Variants in OPHN1 observed in about 807,000 individuals in gnomAD.
OPHN1 encodes the protein oligophrenin 1, also known as oligophrenin-1.
Under a neutral mutation model 60.7 loss-of-function variants are expected in OPHN1, and 11 were observed. The ratio of observed to expected loss-of-function variants is 0.18; its 90% CI spans 0.11 to 0.30. The LOEUF is 0.30. Ranked by LOEUF, OPHN1 falls within the 10% of genes least tolerant of loss-of-function variation. The pLI, the probability that OPHN1 is intolerant of heterozygous loss-of-function variation, is 1.00. For missense variants in OPHN1, 449 were observed against 611.0 expected (o/e 0.73, Z 2.80); for synonymous variants, 226 against 222.6 (o/e 1.02, Z -0.14).
intron 6 of OPHN1, among the ~76,000 whole-genome samples, chrX:68,222,165 A>G (rs1415307296): frequency 3.7e-5 from 4 of 109,269 alleles, no homozygotes; most frequent in Admixed American, 9.7e-5. Context: ...GCAGCCAAAA[A>G]ACACATGAAA....
intron 3 of OPHN1, among the ~76,000 whole-genome samples, chrX:68,289,934 CAG>C: frequency 9.0e-6 from 1 of 111,359 alleles, no homozygotes. Flanking sequence ...TATTTAAAAA[CAG>C]AATATAAAAA....
intron 5 of OPHN1, among the ~76,000 whole-genome samples, chrX:68,264,196 G>A (rs1197823564): frequency 9.0e-6 from 1 of 111,381 alleles, no homozygotes; most frequent in African/African-American, 3.3e-5. Context: ...ATAGGCATGG[G>A]CAAGGACTTC....
intron 8 of OPHN1, among the ~76,000 whole-genome samples, chrX:68,210,562 T>C (rs777683548): frequency 3.6e-5 from 4 of 111,668 alleles, no homozygotes; most frequent in Non-Finnish European, 7.5e-5. Context: ...CCCTAATAAA[T>C]AAGCAATCTT....
intron 15 of OPHN1, among the ~76,000 whole-genome samples, chrX:68,135,099 T>A (rs1212604333): frequency 1.8e-5 from 2 of 111,339 alleles, no homozygotes; most frequent in African/African-American, 6.5e-5. Context: ...TGCATGCCAA[T>A]ACCTTACAAA....
At chrX:68,148,252 A>T (rs1602190681) in intron 15 of OPHN1, among the ~76,000 whole-genome samples, 1 of 111,688 alleles carries the variant, frequency 9.0e-6, no homozygotes, top group Non-Finnish European at 1.9e-5. Context: ...AACACCATAA[A>T]AAAGAAGAGT....
At chrX:68,067,244 G>A (rs1008133814) in intron 20 of OPHN1, among the ~76,000 whole-genome samples, 1 of 111,940 alleles carries the variant, frequency 8.9e-6, no homozygotes, top group Non-Finnish European at 1.9e-5. Context: ...GTGGAGCAAA[G>A]TAGAAAGGGC....
chrX:68,091,548 A>T (rs879160521), intron 19 of OPHN1, among the ~76,000 whole-genome samples: 1 of 111,491 alleles, frequency 9.0e-6, no homozygotes, highest in Admixed American at 9.5e-5. Flanking sequence ...CTACCATGGC[A>T]TGCGAAAAGA....
chrX:68,053,047 G>A (rs1009244215), intron 22 of OPHN1, among the ~76,000 whole-genome samples: 8 of 111,594 alleles, frequency 7.2e-5, no homozygotes, highest in African/African-American at 2.6e-4. Context: ...GAGAGGACAG[G>A]CAAGCGCGTT....
In OPHN1 at chrX:68,263,655, C is replaced by A. The variant is rs113681220; in HGVS notation, c.384+11083G>T. ...TCTGTATATGAATTTTCATCAAATA[C>A]TTCCTCCTCTTGATTCTAAAGCCTG... On this transcript the variant is annotated intron_variant, in intron 5 of 24. Transcript: ENST00000355520. 7.5e-3 allele frequency among the ~76,000 whole-genome samples: 833 copies of A among 111,336 alleles called. 10 individuals are homozygous for A. The highest frequency in any genetic ancestry group is 0.026 in the African/African-American group (790 of 30,638).
chrX:68,192,725 A>T, intron 15 of OPHN1, 194 bp downstream of exon 15: 1 of 431,767 alleles, frequency 2.3e-6, no homozygotes, highest in East Asian at 3.9e-5. Flanking sequence ...GATACGAGGA[A>T]GGAGAGATAA....
intron 5 of OPHN1, among the ~76,000 whole-genome samples, chrX:68,265,084 G>A (rs1473362848): frequency 8.9e-6 from 1 of 112,714 alleles, no homozygotes; most frequent in Non-Finnish European, 1.9e-5. Flanking sequence ...GCCTGCCTCT[G>A]TAGACTCCAC....
At chrX:68,192,776 C>A in intron 15 of OPHN1, 143 bp downstream of exon 15, 3 of 510,347 alleles carry the variant, frequency 5.9e-6, no homozygotes, top group Non-Finnish European at 1.0e-5. Flanking sequence ...CCAGGGTGGG[C>A]AAGTATGTGT....
At chrX:68,151,660 C>T (rs2077285813) in intron 15 of OPHN1, among the ~76,000 whole-genome samples, 1 of 111,438 alleles carries the variant, frequency 9.0e-6, no homozygotes, top group South Asian at 3.8e-4. Flanking sequence ...CTCCCCTGGG[C>T]ATTTAACACC....
At chrX:68,159,997 T>TA (rs61099307) in intron 15 of OPHN1, among the ~76,000 whole-genome samples, 18,544 of 101,729 alleles carry the variant, frequency 0.18, 1,597 homozygotes, top group East Asian at 0.43. Flanking sequence ...ACTGGAAAAT[T>TA]AAAAAAAAAA....
intron 6 of OPHN1, among the ~76,000 whole-genome samples, chrX:68,222,935 A>T (rs1055692750): frequency 3.0e-4 from 33 of 110,050 alleles, no homozygotes; most frequent in Non-Finnish European, 6.3e-4. Context: ...AATAGAAAAA[A>T]TAAATAAAAA....
At chrX:68,218,051 T>C (rs2077625701) in intron 6 of OPHN1, among the ~76,000 whole-genome samples, 1 of 79,020 alleles carries the variant, frequency 1.3e-5, no homozygotes, top group Admixed American at 1.7e-4. Flanking sequence ...GAAGAATGTA[T>C]AACTAGAATA....
intron 2 of OPHN1, among the ~76,000 whole-genome samples, chrX:68,426,365 C>G (rs1402563260): frequency 2.8e-5 from 3 of 106,386 alleles, no homozygotes; most frequent in African/African-American, 1.0e-4. Flanking sequence ...CGCTTGAACC[C>G]AGGAGGTGGA....
At chrX:68,049,024 T>C (rs2076841705) in intron 23 of OPHN1, among the ~76,000 whole-genome samples, 1 of 111,285 alleles carries the variant, frequency 9.0e-6, no homozygotes, top group South Asian at 3.8e-4. Flanking sequence ...CTCCAGTCTG[T>C]TTACACTTAC....
intron 15 of OPHN1, among the ~76,000 whole-genome samples, chrX:68,135,257 T>C (rs1260803851): frequency 9.0e-6 from 1 of 110,749 alleles, no homozygotes; most frequent in African/African-American, 3.4e-5. Context: ...ATTTTCATTA[T>C]ATAGTGTTAA....
Sources: gnomAD v4.1 joint callset for allele counts (sites outside exome capture counted in the v4.1 genomes callset) on GRCh38, gnomAD v4.1.1 for gene constraint, MANE v1.5 for transcripts, NCBI Gene and HGNC (gene_info 2026-07-23, HGNC 2026-07-21) for gene names.